Variants in KLRG1 observed in about 807,000 individuals in gnomAD.
The protein encoded by KLRG1 is killer cell lectin like receptor G1.
KLRG1 carries 16 observed loss-of-function variants against 21.8 expected under a neutral mutation model. The observed-to-expected ratio is 0.73, with a 90% CI of 0.50 to 1.11. KLRG1 has a LOEUF of 1.11. Among genes scored for constraint, KLRG1 ranks in the 50% most tolerant of loss-of-function variants. KLRG1 has a pLI of 0.00. For synonymous variants in KLRG1, 69 were observed against 75.9 expected (o/e 0.91, Z 0.47); for missense variants, 173 against 218.3 (o/e 0.79, Z 1.31).
At chr12:9,081,786 C>T in the KLRG1 span, among the ~76,000 whole-genome samples, 1 of 152,190 alleles carries the variant, frequency 6.6e-6, no homozygotes, top group Non-Finnish European at 1.5e-5. Flanking sequence ...ACTCTGGTCT[C>T]ATTTCACCGG....
chr12:9,022,590 G>A, the KLRG1 span, among the ~76,000 whole-genome samples: 1 of 152,106 alleles, frequency 6.6e-6, no homozygotes, highest in East Asian at 1.9e-4. Context: ...AGGATCGGGG[G>A]TGGTCACCAA....
the KLRG1 span, among the ~76,000 whole-genome samples, chr12:9,210,057 C>G: frequency 2.0e-5 from 3 of 152,190 alleles, no homozygotes; most frequent in South Asian, 6.2e-4. Flanking sequence ...ATTTGCAAGA[C>G]TTTCTCTAGG....
upstream of KLRG1, among the ~76,000 whole-genome samples, chr12:8,988,113 C>T (rs1456074536): frequency 6.6e-6 from 1 of 152,214 alleles, no homozygotes; most frequent in Non-Finnish European, 1.5e-5. Context: ...CACAGACATA[C>T]AGTGAATTCC....
the KLRG1 span, among the ~76,000 whole-genome samples, chr12:9,148,445 C>T: frequency 4.0e-5 from 6 of 150,560 alleles, no homozygotes; most frequent in Non-Finnish European, 5.9e-5. Flanking sequence ...TTATCTAAAT[C>T]CTTCACTCTC....
At chr12:9,072,739 G>A in the KLRG1 span, 160 of 1,614,018 alleles carry the variant, frequency 9.9e-5, no homozygotes, top group Middle Eastern at 3.3e-4. Flanking sequence ...AGTAACAGGC[G>A]GTTGTTGTTG....
chr12:9,206,378 A>AT, the KLRG1 span, among the ~76,000 whole-genome samples: 12 of 152,088 alleles, frequency 7.9e-5, no homozygotes, highest in East Asian at 1.3e-3. Context: ...TTCAGTTAAT[A>AT]TTTTTTTAAC....
the KLRG1 span, chr12:9,135,179 G>C: frequency 1.3e-5 from 3 of 228,854 alleles, no homozygotes; most frequent in Admixed American, 9.2e-5. Flanking sequence ...AACAGCTGCA[G>C]ACCTTCAGCC....
chr12:9,128,392 G>C, the KLRG1 span: 4 of 155,282 alleles, frequency 2.6e-5, no homozygotes, highest in African/African-American at 9.6e-5. Flanking sequence ...GTACCCTCCG[G>C]GGTCTTGAGA....
At chr12:9,103,246 A>G in the KLRG1 span, among the ~76,000 whole-genome samples, 2 of 152,222 alleles carry the variant, frequency 1.3e-5, no homozygotes, top group African/African-American at 2.4e-5. Context: ...ATTTCACTTA[A>G]TCTTCACAAC....
chr12:8,973,113 C>A (rs946784335), intron 1 of KLRG1, among the ~76,000 whole-genome samples: 2 of 136,550 alleles, frequency 1.5e-5, no homozygotes, highest in Admixed American at 8.0e-5. Flanking sequence ...GAGCTGAGAT[C>A]GTGCCATTGC....
At chr12:9,165,095 CTT>C in the KLRG1 span, 1 of 1,582,812 alleles carries the variant, frequency 6.3e-7, no homozygotes, top group Admixed American at 1.7e-5. Flanking sequence ...TCAAAGGAAT[CTT>C]TTGTTCTACC....
At chr12:9,113,647 A>G in the KLRG1 span, 1 of 1,148,572 alleles carries the variant, frequency 8.7e-7, no homozygotes. Context: ...GTTCTACACC[A>G]AGAGAAGATG....
the KLRG1 span, among the ~76,000 whole-genome samples, chr12:9,189,674 C>A: frequency 6.6e-6 from 1 of 152,020 alleles, no homozygotes; most frequent in South Asian, 2.1e-4. Context: ...TTCTGCACAG[C>A]AAAAGAAACT....
the KLRG1 span, among the ~76,000 whole-genome samples, chr12:9,017,814 G>A: frequency 1.3e-5 from 2 of 152,174 alleles, no homozygotes; most frequent in African/African-American, 4.8e-5. Flanking sequence ...TGGAAAGGAA[G>A]AAGTCAAATC....
intron 1 of KLRG1, among the ~76,000 whole-genome samples, chr12:8,982,628 C>T (rs1342145500): frequency 6.6e-6 from 1 of 151,728 alleles, no homozygotes; most frequent in Non-Finnish European, 1.5e-5. Context: ...TATCTTACAG[C>T]CAGAACAGAC....
At chr12:9,069,546 A>G in the KLRG1 span, among the ~76,000 whole-genome samples, 1 of 152,354 alleles carries the variant, frequency 6.6e-6, no homozygotes, top group East Asian at 1.9e-4. Flanking sequence ...ATATCCCAAG[A>G]TCATAATAAG....
chr12:8,967,267 A>C (rs1229266226), intron 1 of KLRG1, among the ~76,000 whole-genome samples: 1 of 151,888 alleles, frequency 6.6e-6, no homozygotes, highest in African/African-American at 2.4e-5. Flanking sequence ...GCACACCAAC[A>C]TGGCACATGT....
the KLRG1 span, among the ~76,000 whole-genome samples, chr12:9,186,893 T>C: frequency 1.7e-4 from 26 of 151,766 alleles, no homozygotes; most frequent in South Asian, 6.3e-4. Context: ...GAGAAATACC[T>C]AATATAGATG....
At chr12:9,207,606 A>G in the KLRG1 span, among the ~76,000 whole-genome samples, 6 of 152,352 alleles carry the variant, frequency 3.9e-5, no homozygotes, top group Middle Eastern at 3.4e-3. Context: ...TCAACAGTGC[A>G]TGCCAGCAAG....
Sources: gnomAD v4.1 joint callset for allele counts (sites outside exome capture counted in the v4.1 genomes callset) on GRCh38, gnomAD v4.1.1 for gene constraint, MANE v1.5 for transcripts, NCBI Gene and HGNC (gene_info 2026-07-23, HGNC 2026-07-21) for gene names.